The following ZRANB3 variants were observed in gnomAD, a reference collection of about 807,000 sequenced individuals.
The protein encoded by ZRANB3 is zinc finger RANBP2-type containing 3.
A neutral mutation model predicts 133.8 loss-of-function variants in ZRANB3; 125 were observed. That is an observed-to-expected ratio of 0.93 (90% confidence interval 0.81 to 1.08). The LOEUF is 1.08. Among genes scored for constraint, ZRANB3 ranks in the 50% least tolerant of loss-of-function variants. The pLI is 0.00. For missense variants in ZRANB3, 1,229 were observed against 1,275.5 expected, an observed-to-expected ratio of 0.96 and a Z score of 0.56; for synonymous variants, 387 against 432.7, an observed-to-expected ratio of 0.89 and a Z score of 1.31.
intron 2 of ZRANB3, among the ~76,000 whole-genome samples, chr2:135,435,505 AC>A (rs1689494126): frequency 6.6e-6 from 1 of 152,214 alleles, no homozygotes; most frequent in South Asian, 2.1e-4. Flanking sequence ...CTGGGTATAT[AC>A]CCAGTAATGG....
At chr2:135,424,873 G>A (rs1458084559) in intron 2 of ZRANB3, among the ~76,000 whole-genome samples, 1 of 152,034 alleles carries the variant, frequency 6.6e-6, no homozygotes, top group South Asian at 2.1e-4. Flanking sequence ...AGAACAATGA[G>A]GAAAACAGGA....
At chr2:135,293,780 A>C (rs1681887938) in intron 8 of ZRANB3, among the ~76,000 whole-genome samples, 1 of 150,244 alleles carries the variant, frequency 6.7e-6, no homozygotes, top group Non-Finnish European at 1.5e-5. Flanking sequence ...ATCAATACCT[A>C]ATTTATTGAG....
At chr2:135,271,545 C>A (rs1680515333) in intron 10 of ZRANB3, 1 of 590,664 alleles carries the variant, frequency 1.7e-6, no homozygotes, top group Non-Finnish European at 3.0e-6. Context: ...AAAGTATATT[C>A]TTTCAAAGAC....
chr2:135,220,697 CAA>C (rs1222053120), intron 15 of ZRANB3, among the ~76,000 whole-genome samples: 37 of 54,898 alleles, frequency 6.7e-4, no homozygotes, highest in African/African-American at 1.2e-3. Context: ...GACTCCATCT[CAA>C]AAAAAAAAAA....
chr2:135,388,161 G>T (rs949462573), intron 3 of ZRANB3, among the ~76,000 whole-genome samples: 6 of 152,090 alleles, frequency 3.9e-5, no homozygotes, highest in African/African-American at 1.4e-4. Context: ...AGCGTGTGCA[G>T]GGGAACTCCC....
At chr2:135,343,035 A>AC (rs1684763375) in intron 6 of ZRANB3, among the ~76,000 whole-genome samples, 2 of 141,988 alleles carry the variant, frequency 1.4e-5, no homozygotes, top group South Asian at 2.1e-4. Flanking sequence ...AAAAAAAAAA[A>AC]CATTAGCAGG....
chr2:135,327,258 C>A (rs1000319988), intron 6 of ZRANB3, among the ~76,000 whole-genome samples: 1 of 152,196 alleles, frequency 6.6e-6, no homozygotes, highest in African/African-American at 2.4e-5. Flanking sequence ...TGACAGCTTT[C>A]TGCCATGCCT....
At chr2:135,425,725 C>A (rs1258544352) in intron 2 of ZRANB3, among the ~76,000 whole-genome samples, 2 of 152,036 alleles carry the variant, frequency 1.3e-5, no homozygotes, top group African/African-American at 4.8e-5. Flanking sequence ...GTGCTAAACA[C>A]CCACATCAAA....
chr2:135,222,325 C>T (rs1423313647), intron 15 of ZRANB3, among the ~76,000 whole-genome samples: 1 of 151,156 alleles, frequency 6.6e-6, no homozygotes, highest in Non-Finnish European at 1.5e-5. Flanking sequence ...TCACTTGAAC[C>T]TGGGAGGCAG....
intron 2 of ZRANB3, among the ~76,000 whole-genome samples, chr2:135,484,230 G>T (rs1331258791): frequency 1.3e-5 from 2 of 152,052 alleles, no homozygotes; most frequent in Non-Finnish European, 2.9e-5. Flanking sequence ...ACTCTGCCAG[G>T]ATTTCCAGAA....
chr2:135,467,438 A>AC (rs1196321933), intron 2 of ZRANB3, among the ~76,000 whole-genome samples: 2 of 152,152 alleles, frequency 1.3e-5, no homozygotes, highest in East Asian at 3.9e-4. Flanking sequence ...TAAATTAACC[A>AC]CCTTTAATTT....
At chr2:135,419,338 G>C (rs1688733953) in intron 2 of ZRANB3, among the ~76,000 whole-genome samples, 2 of 151,886 alleles carry the variant, frequency 1.3e-5, no homozygotes, top group Non-Finnish European at 2.9e-5. Context: ...GATTAGGAAA[G>C]GTATAAATCA....
chr2:135,331,448 A>G (rs1300866289), intron 6 of ZRANB3, among the ~76,000 whole-genome samples: 1 of 151,900 alleles, frequency 6.6e-6, no homozygotes, highest in African/African-American at 2.4e-5. Context: ...GATTTCTTTT[A>G]CATTTGCTGA....
chr2:135,238,517 T>C (rs1301011070), intron 12 of ZRANB3, among the ~76,000 whole-genome samples: 1 of 151,756 alleles, frequency 6.6e-6, no homozygotes, highest in Non-Finnish European at 1.5e-5. Flanking sequence ...GTGTTCACTA[T>C]CACGCCCAGC....
chr2:135,530,836 A>G (rs1472661922), intron 1 of ZRANB3: 2 of 152,160 alleles, frequency 1.3e-5, no homozygotes, highest in Non-Finnish European at 2.9e-5. Flanking sequence ...CCTCTCAGGA[A>G]CTACAATTCC....
chr2:135,254,054 T>G (rs1490397653), intron 12 of ZRANB3, among the ~76,000 whole-genome samples: 2 of 152,242 alleles, frequency 1.3e-5, no homozygotes, highest in Non-Finnish European at 2.9e-5. Flanking sequence ...GTTTTAGGCT[T>G]CCTCTCCTTT....
intron 3 of ZRANB3, among the ~76,000 whole-genome samples, chr2:135,360,009 T>C (rs762584023): frequency 6.6e-6 from 1 of 152,224 alleles, no homozygotes; most frequent in Non-Finnish European, 1.5e-5. Context: ...CATAATCTCA[T>C]ATTCCCATTA....
At chr2:135,442,703 T>G (rs1171765437) in intron 2 of ZRANB3, among the ~76,000 whole-genome samples, 1 of 152,134 alleles carries the variant, frequency 6.6e-6, no homozygotes, top group Non-Finnish European at 1.5e-5. Flanking sequence ...TGGGTATATA[T>G]CCAAAGGATT....
chr2:135,213,350 C>T (rs1694180059), intron 17 of ZRANB3, among the ~76,000 whole-genome samples: 2 of 152,170 alleles, frequency 1.3e-5, no homozygotes, highest in South Asian at 2.1e-4. Context: ...CAGTGTCTAA[C>T]TGATCCTTAT....
Sources: allele counts gnomAD v4.1 joint callset (sites outside exome capture counted in the v4.1 genomes callset), GRCh38; gene constraint gnomAD v4.1.1; transcripts MANE v1.5; gene names NCBI Gene and HGNC (gene_info 2026-07-23, HGNC 2026-07-21).